CAMTA1: variants seen among roughly 807,000 people sequenced by gnomAD.
CAMTA1 encodes calmodulin binding transcription activator 1.
CAMTA1 carries 27 observed loss-of-function variants against 170.9 expected under a neutral mutation model. The observed-to-expected ratio is 0.16, with a 90% confidence interval of 0.12 to 0.22. The LOEUF is 0.22. Ranked by LOEUF, CAMTA1 falls within the 10% of genes least tolerant of loss-of-function variation. The pLI is 1.00. For missense variants in CAMTA1, 1,619 were observed against 2,217.2 expected, an observed-to-expected ratio of 0.73 and a Z score of 5.42; for synonymous variants, 833 against 891.5, an observed-to-expected ratio of 0.93 and a Z score of 1.17.
chr1:7,127,247 CTTTTTTTTTTT>C (rs61211407), intron 4 of CAMTA1, among the ~76,000 whole-genome samples: 8 of 73,500 alleles, frequency 1.1e-4, no homozygotes, highest in Middle Eastern at 0.032. Context: ...GCCAGAGGGG[CTTTTTTTTTTT>C]TTTTTTTTTT....
intron 5 of CAMTA1, chr1:7,389,837 G>A (rs1295887664): frequency 6.5e-6 from 1 of 152,822 alleles, no homozygotes; most frequent in Non-Finnish European, 1.5e-5. Flanking sequence ...GAGAAGGCAG[G>A]ACAGTTAGCC....
chr1:6,835,289 T>C (rs1032489410), intron 3 of CAMTA1, among the ~76,000 whole-genome samples: 1 of 152,214 alleles, frequency 6.6e-6, no homozygotes, highest in Non-Finnish European at 1.5e-5. Context: ...GAGTTTCTAG[T>C]TGCACTCGAG....
chr1:7,351,979 G>A (rs925395983), intron 5 of CAMTA1, among the ~76,000 whole-genome samples: 2 of 152,196 alleles, frequency 1.3e-5, no homozygotes, highest in African/African-American at 4.8e-5. Flanking sequence ...TAATATGCCT[G>A]CCATGAAACA....
intron 6 of CAMTA1, among the ~76,000 whole-genome samples, chr1:7,552,789 C>G (rs2094820517): frequency 6.6e-6 from 1 of 152,222 alleles, no homozygotes; most frequent in African/African-American, 2.4e-5. Flanking sequence ...TGGTGGAGGC[C>G]CCTGCCACAG....
chr1:6,794,891 T>TTTTTTTTG (rs1165800386), intron 1 of CAMTA1, among the ~76,000 whole-genome samples: 2 of 130,748 alleles, frequency 1.5e-5, no homozygotes, highest in African/African-American at 3.6e-5. Flanking sequence ...TTTTTTTTTG[T>TTTTTTTTG]TTTTTTTGTT....
At chr1:7,209,590 G>A (rs1286546455) in intron 4 of CAMTA1, among the ~76,000 whole-genome samples, 2 of 152,118 alleles carry the variant, frequency 1.3e-5, no homozygotes, top group Non-Finnish European at 2.9e-5. Context: ...ATTGGCCAGC[G>A]TAATGTATGA....
At position 7,674,913 on chromosome 1, in the gene CAMTA1, A is replaced by G. The variant is rs1194099043; in HGVS notation, c.2780-2686A>G. 6.6e-6 allele frequency among the ~76,000 whole-genome samples: 1 copy of G among 152,252 alleles called. No individual in the cohort carries two copies. Among genetic ancestry groups the G allele is most frequent in the African/African-American group, 2.4e-5 (1 of 41,468 alleles). On this transcript the variant is annotated intron_variant, in intron 10 of 22. Coordinates refer to ENST00000303635, the MANE Select transcript of CAMTA1 (RefSeq NM_015215.4). This position sits in a 1 kb window ranked among gnomAD's most constrained non-coding sequence, Gnocchi z 4.1. ...ACCTTGGCACTAGGCATGAAGATTA[A>G]GACAGAGCCAGTCCCAGCTCTCATG...
intron 5 of CAMTA1, among the ~76,000 whole-genome samples, chr1:7,393,351 G>C (rs1276236875): frequency 6.6e-6 from 1 of 152,056 alleles, no homozygotes; most frequent in Non-Finnish European, 1.5e-5. Flanking sequence ...CTGCAGCCTT[G>C]ACCTCCTGGG....
At chr1:6,869,963 C>T (rs1298809511) in intron 3 of CAMTA1, among the ~76,000 whole-genome samples, 1 of 152,140 alleles carries the variant, frequency 6.6e-6, no homozygotes, top group Non-Finnish European at 1.5e-5. Flanking sequence ...AAAAAAGCAT[C>T]TGTGAATACT....
intron 3 of CAMTA1, among the ~76,000 whole-genome samples, chr1:6,955,015 ATTG>A (rs145762949): frequency 7.9e-4 from 120 of 152,046 alleles, no homozygotes; most frequent in African/African-American, 2.8e-3. Flanking sequence ...GTGTTTATTG[ATTG>A]TTGTCTCCGG....
chr1:7,350,140 C>A (rs976748159), intron 5 of CAMTA1, among the ~76,000 whole-genome samples: 5 of 152,150 alleles, frequency 3.3e-5, no homozygotes, highest in Admixed American at 3.3e-4. Context: ...CTCCTGTGGG[C>A]TCCCCAGGCA....
At chr1:6,849,179 G>A (rs1417371653) in intron 3 of CAMTA1, among the ~76,000 whole-genome samples, 1 of 152,144 alleles carries the variant, frequency 6.6e-6, no homozygotes, top group East Asian at 1.9e-4. Context: ...TGAGATTCTG[G>A]TTTGAGTGAT....
intron 3 of CAMTA1, among the ~76,000 whole-genome samples, chr1:6,913,476 A>C (rs1193981786): frequency 1.3e-5 from 2 of 152,158 alleles, no homozygotes; most frequent in African/African-American, 2.4e-5. Context: ...CCTAGTGGTC[A>C]GCACCCTGCT....
intron 5 of CAMTA1, among the ~76,000 whole-genome samples, chr1:7,330,894 G>A (rs1278791684): frequency 6.6e-6 from 1 of 152,172 alleles, no homozygotes; most frequent in Admixed American, 6.5e-5. Context: ...CACACCACCA[G>A]AGTCAGGCTG....
intron 3 of CAMTA1, among the ~76,000 whole-genome samples, chr1:6,838,499 A>G (rs141305780): frequency 6.6e-6 from 1 of 152,324 alleles, no homozygotes; most frequent in African/African-American, 2.4e-5. Context: ...CACATCACCA[A>G]TAGAGAGATG....
intron 3 of CAMTA1, chr1:6,834,431 G>A (rs188329998): frequency 8.9e-4 from 196 of 220,292 alleles, no homozygotes; most frequent in African/African-American, 4.4e-3. Context: ...TAGGTGCCTC[G>A]TTCGGCCAGT....
At chr1:7,125,055 C>T (rs184435751) in intron 4 of CAMTA1, among the ~76,000 whole-genome samples, 1 of 152,186 alleles carries the variant, frequency 6.6e-6, no homozygotes, top group East Asian at 1.9e-4. Context: ...GATTGAATAT[C>T]TGATTTGTAA....
intron 6 of CAMTA1, among the ~76,000 whole-genome samples, chr1:7,526,242 C>T (rs2094430371): frequency 6.6e-6 from 1 of 151,952 alleles, no homozygotes; most frequent in African/African-American, 2.4e-5. Flanking sequence ...CACTTTCCCA[C>T]CCCAGGGGCT....
chr1:7,736,997 C>G lies in CAMTA1; in HGVS notation c.3330C>G (p.Ser1110=), dbSNP rs764775932. The stretch of plus-strand genomic sequence containing the variant: ...ACCCCTTGAATGTGGACCACTTCTC[C>G]TGTACTCCTCTGGTAAGGAATGGAT... The part of the protein sequence containing the change: ...EVDPLNVDHF[S]CTPLMWACAL... The change falls in exon 14 of 23, where the codon TCC becomes TCG. Residue 1110 remains serine (S), a synonymous_variant. Transcript: ENST00000303635. This position sits in a 1 kb window ranked among gnomAD's most constrained non-coding sequence, Gnocchi z 4.5. The G allele has an allele frequency of 1.9e-6, 3 of 1,610,506 alleles. No homozygotes were observed. Among genetic ancestry groups the G allele is most frequent in the African/African-American group, 2.7e-5 (2 of 74,818 alleles).
Sources: allele counts gnomAD v4.1 joint callset (sites outside exome capture counted in the v4.1 genomes callset), GRCh38; gene constraint gnomAD v4.1.1; non-coding constraint Gnocchi (gnomAD v3.1); transcripts MANE v1.5; gene names NCBI Gene and HGNC (gene_info 2026-07-23, HGNC 2026-07-21).